The following JPT1 variants were observed in gnomAD, a reference collection of about 807,000 sequenced individuals.
The protein encoded by JPT1 is Jupiter microtubule associated homolog 1.
Under a neutral mutation model 17.0 loss-of-function variants are expected in JPT1, and 5 were observed. The observed-to-expected ratio is 0.29, with a 90% confidence interval of 0.15 to 0.62. The LOEUF is 0.62. JPT1 is among the 20% of genes least tolerant of loss of function. The pLI, the probability that JPT1 is intolerant of heterozygous loss-of-function variation, is 0.85. For synonymous variants in JPT1, 71 were observed against 73.6 expected (o/e 0.96, Z 0.18); for missense variants, 158 against 188.1 (o/e 0.84, Z 0.94).
chr17:75,148,430 T>A, intron 2 of JPT1, 99 bp downstream of exon 2: 1 of 1,447,728 alleles, frequency 6.9e-7, no homozygotes, highest in Non-Finnish European at 9.4e-7. Context: ...TTTGTTTTGT[T>A]TTTTAGACAC....
intron 4 of JPT1, among the ~76,000 whole-genome samples, chr17:75,136,488 T>C (rs76540467): frequency 6.6e-6 from 1 of 150,922 alleles, no homozygotes; most frequent in African/African-American, 2.5e-5. Flanking sequence ...GGACATGAAG[T>C]TTTTTTTTGT....
At position 75,153,765 on chromosome 17, in the gene JPT1, T is replaced by C. The variant is rs2074590298; in HGVS notation, c.56+577A>G. 2.6e-5 allele frequency: 4 copies of C among 151,974 alleles called. No homozygotes were observed. In the South Asian group the frequency reaches 6.2e-4, roughly 24 times the overall value. The allele number at this position is 151,974 out of a possible 1,614,324, so 9.4% of individuals were successfully genotyped here. On this transcript the variant is annotated intron_variant, in intron 1 of 4. Transcript: ENST00000409753. ...ATGACCAGCCCCGCTCGACCACACATGCACCTGTCAGGTAGGTCCGAATAA... is the reference window on the plus strand; with the variant it reads ...ATGACCAGCCCCGCTCGACCACACACGCACCTGTCAGGTAGGTCCGAATAA...
intron 1 of JPT1, chr17:75,149,025 A>G (rs1347227569): frequency 1.6e-6 from 2 of 1,269,458 alleles, no homozygotes; most frequent in African/African-American, 3.1e-5. Context: ...ATACTTTCAA[A>G]GAAGTTTAGA....
chr17:75,149,508 C>T (rs1026805082), intron 1 of JPT1, among the ~76,000 whole-genome samples: 2 of 152,116 alleles, frequency 1.3e-5, no homozygotes, highest in African/African-American at 2.4e-5. Flanking sequence ...GCTGGGACTA[C>T]AGGCGCCCGC....
intron 4 of JPT1, chr17:75,142,628 A>AGGGGAGGG: frequency 4.5e-6 from 1 of 222,982 alleles, no homozygotes; most frequent in South Asian, 2.3e-5. Context: ...GAGGGGAGGG[A>AGGGGAGGG]GGGGAGGGAG....
At chr17:75,149,189 T>TAA in intron 1 of JPT1, 48 of 414,406 alleles carry the variant, frequency 1.2e-4, no homozygotes, top group Middle Eastern at 6.5e-4. Context: ...CGTGTCTCTA[T>TAA]AAAAAAAAAA....
intron 1 of JPT1, among the ~76,000 whole-genome samples, chr17:75,150,772 A>G (rs2074533577): frequency 6.6e-6 from 1 of 151,464 alleles, no homozygotes; most frequent in South Asian, 2.1e-4. Flanking sequence ...TACTGATTCA[A>G]TTCCTTTACT....
chr17:75,144,576 A>C (rs2074388149), intron 4 of JPT1, among the ~76,000 whole-genome samples: 1 of 152,170 alleles, frequency 6.6e-6, no homozygotes, highest in African/African-American at 2.4e-5. Context: ...TGTTTCCCTG[A>C]GTTCTTTCTG....
chr17:75,154,407 G>C lies in JPT1; in HGVS notation c.-10C>G, dbSNP rs559255051. ...TGGTGGTTGTGGTCATGGCGCCGAGGAGCGAGGTAGGCTGGCGCCGGAGCA... is the reference window on the plus strand; with the variant it reads ...TGGTGGTTGTGGTCATGGCGCCGAGCAGCGAGGTAGGCTGGCGCCGGAGCA... On this transcript the variant is annotated 5_prime_UTR_variant, in exon 1 of 5. Coordinates refer to ENST00000409753, the MANE Select transcript of JPT1 (RefSeq NM_016185.4). 6.5e-7 allele frequency: 1 copy of C among 1,548,238 alleles called. No homozygotes were observed. The highest frequency in any genetic ancestry group is 8.7e-7 in the Non-Finnish European group (1 of 1,145,746).
At chr17:75,143,760 T>C (rs912049290) in intron 4 of JPT1, among the ~76,000 whole-genome samples, 1 of 150,266 alleles carries the variant, frequency 6.7e-6, no homozygotes, top group African/African-American at 2.5e-5. Context: ...CGCTTGAACC[T>C]GGGAGGCAGA....
chr17:75,152,060 G>A (rs2074563114), intron 1 of JPT1, among the ~76,000 whole-genome samples: 1 of 152,082 alleles, frequency 6.6e-6, no homozygotes, highest in Admixed American at 6.6e-5. Flanking sequence ...ACTTTTTAAA[G>A]GTCTCTGTTC....
intron 4 of JPT1, among the ~76,000 whole-genome samples, chr17:75,143,128 T>C (rs2074359495): frequency 6.6e-6 from 1 of 152,228 alleles, no homozygotes; most frequent in Admixed American, 6.5e-5. Context: ...GAATGCTACA[T>C]GGAGAGGCCA....
At chr17:75,148,728 A>G in intron 1 of JPT1, 57 bp from the exon 2 acceptor site, 1 of 1,593,682 alleles carries the variant, frequency 6.3e-7, no homozygotes, top group Admixed American at 1.7e-5. Context: ...TCTTGGCATA[A>G]ATCTTTTCAG....
intron 3 of JPT1, 129 bp from the exon 4 acceptor site, chr17:75,146,813 A>G: frequency 1.5e-6 from 1 of 666,860 alleles, no homozygotes; most frequent in South Asian, 1.8e-5. Flanking sequence ...GCAATCAAGC[A>G]CAGGGTCAGT....
rs761078099 is a variant in JPT1, at chr17:75,149,111, G to A, written c.57-440C>T. The A allele has an allele frequency of 2.5e-4, 286 of 1,157,918 alleles. 1 individual carries two copies. The highest frequency in any genetic ancestry group is 3.5e-4 in the Middle Eastern group (1 of 2,860). 71.7% of individuals were successfully genotyped at this position (1,157,918 alleles called of 1,614,324 possible). On this transcript the variant is annotated intron_variant, in intron 1 of 4. Transcript: ENST00000409753. ...CACACCTGTAATCCCAGCACCCTAG[G>A]AGGCCAAGGCAGGATCATCACTTGA...
chr17:75,136,086 T>C lies in JPT1; in HGVS notation c.*16A>G, dbSNP rs1431165104. 1.2e-6 allele frequency: 2 copies of C among 1,614,172 alleles called. No homozygotes were observed. On this transcript the variant is annotated 3_prime_UTR_variant, in exon 5 of 5. Transcript: ENST00000409753. ...GGAGGAAACAGACAGAACGACAGCGTTCAGGACAGTCAGAGCTAACCCAAG... is the reference window on the plus strand; with the variant it reads ...GGAGGAAACAGACAGAACGACAGCGCTCAGGACAGTCAGAGCTAACCCAAG...
intron 4 of JPT1, among the ~76,000 whole-genome samples, chr17:75,136,492 T>C (rs144302983): frequency 1.3e-5 from 2 of 152,138 alleles, no homozygotes; most frequent in Non-Finnish European, 2.9e-5. Context: ...ATGAAGTTTT[T>C]TTTTGTTTTG....
chr17:75,135,915 G>T lies in JPT1; in HGVS notation c.*187C>A. On this transcript the variant is annotated 3_prime_UTR_variant, in exon 5 of 5. Coordinates refer to ENST00000409753, the MANE Select transcript of JPT1 (RefSeq NM_016185.4). The stretch of plus-strand genomic sequence containing the variant: ...ACTACTAGAAAACACTCATGCCATG[G>T]CCCACAGACCCAAGAGTCAAGGACA... The T allele has an allele frequency of 7.9e-7, 1 of 1,261,050 alleles. No individual in the cohort carries two copies. Among genetic ancestry groups the T allele is most frequent in the Non-Finnish European group, 1.1e-6 (1 of 907,568 alleles). 78.1% of individuals were successfully genotyped at this position (1,261,050 alleles called of 1,614,324 possible). A position where few individuals can be genotyped will look rare whatever the true frequency, so the allele number is the denominator to read the frequency against.
chr17:75,153,699 G>A (rs2074588792), intron 1 of JPT1: 1 of 152,492 alleles, frequency 6.6e-6, no homozygotes, highest in Non-Finnish European at 1.5e-5. Flanking sequence ...TTCGAAGAGG[G>A]GAAGAACGAT....
Sources: allele counts gnomAD v4.1 joint callset (sites outside exome capture counted in the v4.1 genomes callset), GRCh38; gene constraint gnomAD v4.1.1; transcripts MANE v1.5; gene names NCBI Gene and HGNC (gene_info 2026-07-23, HGNC 2026-07-21).